LRRC4C: variants seen among roughly 807,000 people sequenced by gnomAD.
The protein encoded by LRRC4C is leucine rich repeat containing 4C, also known as leucine-rich repeat-containing protein 4C.
LRRC4C carries 5 observed loss-of-function variants against 33.6 expected under a neutral mutation model. That is an observed-to-expected ratio of 0.15 (90% CI 0.08 to 0.31). The LOEUF is 0.31. LRRC4C is among the 10% of genes least tolerant of loss of function. The probability of loss-of-function intolerance (pLI) is 1.00; values close to 1 mark genes in which losing one functional copy is unlikely to be tolerated. For missense variants in LRRC4C, 560 were observed against 796.7 expected (o/e 0.70, Z 3.58); for synonymous variants, 329 against 302.0 (o/e 1.09, Z -0.93).
At chr11:40,760,608 C>A (rs1050775015) in intron 2 of LRRC4C, among the ~76,000 whole-genome samples, 1 of 151,048 alleles carries the variant, frequency 6.6e-6, no homozygotes, top group African/African-American at 2.4e-5. Flanking sequence ...GAATAAACTT[C>A]CTTTTTTATT....
intron 1 of LRRC4C, among the ~76,000 whole-genome samples, chr11:41,259,275 G>T (rs889647468): frequency 2.6e-5 from 4 of 151,874 alleles, no homozygotes; most frequent in Non-Finnish European, 5.9e-5. Flanking sequence ...CTAGTATTTT[G>T]TGTTATTTTT....
chr11:40,646,671 A>C (rs1368762372), intron 3 of LRRC4C, among the ~76,000 whole-genome samples: 1 of 152,146 alleles, frequency 6.6e-6, no homozygotes, highest in Non-Finnish European at 1.5e-5. Flanking sequence ...CAGTGGCACT[A>C]TCTCGGCTCA....
chr11:40,882,203 C>CCCACAAGTGATCATCTGGAAA (rs1365153974), intron 2 of LRRC4C, among the ~76,000 whole-genome samples: 1 of 152,022 alleles, frequency 6.6e-6, no homozygotes, highest in South Asian at 2.1e-4. Context: ...TCTACACAAC[C>CCCACAAGTGATCATCTGGAAA]CCACAAGTGA....
At chr11:40,721,531 A>C (rs1947013554) in intron 2 of LRRC4C, among the ~76,000 whole-genome samples, 1 of 152,256 alleles carries the variant, frequency 6.6e-6, no homozygotes, top group African/African-American at 2.4e-5. Flanking sequence ...ACTTTTGCCA[A>C]GTAATCAGAT....
At chr11:40,881,703 T>G (rs1202733437) in intron 2 of LRRC4C, among the ~76,000 whole-genome samples, 1 of 151,812 alleles carries the variant, frequency 6.6e-6, no homozygotes, top group Non-Finnish European at 1.5e-5. Flanking sequence ...CACAACAATC[T>G]CACAATATTA....
At chr11:41,300,015 T>C (rs930293212) in intron 1 of LRRC4C, among the ~76,000 whole-genome samples, 6 of 152,130 alleles carry the variant, frequency 3.9e-5, no homozygotes, top group Non-Finnish European at 2.9e-5. Context: ...TATACAGTCA[T>C]TAGAGCAGCT....
At chr11:40,576,630 A>G (rs1047475777) in intron 3 of LRRC4C, among the ~76,000 whole-genome samples, 2 of 152,108 alleles carry the variant, frequency 1.3e-5, no homozygotes, top group African/African-American at 2.4e-5. Flanking sequence ...GTCTATTTAT[A>G]ACAATCCCCC....
At position 40,472,493 on chromosome 11, in the gene LRRC4C, C is replaced by T. The variant is rs184345792; in HGVS notation, c.-269-152772G>A. On this transcript the variant is annotated intron_variant, in intron 3 of 6. Coordinates refer to ENST00000528697, the MANE Select transcript of LRRC4C (RefSeq NM_001258419.2). ...GAGGGAAATTTATAGCACTAAATGCCCACAGGAGAAAGCAGGAAAGATTTA... is the reference window on the plus strand; with the variant it reads ...GAGGGAAATTTATAGCACTAAATGCTCACAGGAGAAAGCAGGAAAGATTTA... Among the ~76,000 whole-genome samples the T allele has an allele frequency of 9.2e-3, 860 of 93,762 alleles. 15 individuals carry two copies. Among genetic ancestry groups the T allele is most frequent in the African/African-American group, 0.031 (824 of 26,936 alleles). 61.5% of individuals were successfully genotyped at this position (93,762 alleles called of 152,430 possible).
At chr11:40,688,354 C>T (rs530354771) in intron 2 of LRRC4C, among the ~76,000 whole-genome samples, 41 of 152,238 alleles carry the variant, frequency 2.7e-4, no homozygotes, top group Admixed American at 1.2e-3. Flanking sequence ...TGGTAAAGGA[C>T]ACAACAAACT....
chr11:40,272,416 T>C (rs1171866985), intron 4 of LRRC4C, among the ~76,000 whole-genome samples: 1 of 152,104 alleles, frequency 6.6e-6, no homozygotes, highest in East Asian at 1.9e-4. Context: ...AAATAGATAA[T>C]AAGGCAGCTA....
chr11:41,092,472 G>T (rs1482579110), intron 1 of LRRC4C, among the ~76,000 whole-genome samples: 3 of 152,236 alleles, frequency 2.0e-5, no homozygotes, highest in African/African-American at 7.2e-5. Flanking sequence ...TACAGTGAAT[G>T]ATCAACATCT....
intron 4 of LRRC4C, among the ~76,000 whole-genome samples, chr11:40,278,765 C>T (rs995308821): frequency 2.7e-5 from 4 of 148,422 alleles, no homozygotes; most frequent in Non-Finnish European, 4.4e-5. Context: ...GTCCTTCTCA[C>T]TCTCTACCAC....
chr11:41,165,928 G>A (rs1175801677), intron 1 of LRRC4C, among the ~76,000 whole-genome samples: 1 of 151,892 alleles, frequency 6.6e-6, no homozygotes, highest in Admixed American at 6.6e-5. Flanking sequence ...CTACTCAGGA[G>A]GCTGCAGCAG....
intron 5 of LRRC4C, among the ~76,000 whole-genome samples, chr11:40,234,631 T>C (rs1429895948): frequency 6.6e-6 from 1 of 152,052 alleles, no homozygotes; most frequent in Non-Finnish European, 1.5e-5. Context: ...ATTGGCCAGA[T>C]ATGTTGGCAC....
intron 2 of LRRC4C, among the ~76,000 whole-genome samples, chr11:40,901,881 G>A (rs1045495145): frequency 1.3e-5 from 2 of 151,726 alleles, no homozygotes; most frequent in Non-Finnish European, 2.9e-5. Flanking sequence ...AATATATAAC[G>A]TTTAATCTGA....
At chr11:41,453,028 A>G (rs888716435) in intron 1 of LRRC4C, among the ~76,000 whole-genome samples, 1 of 152,062 alleles carries the variant, frequency 6.6e-6, no homozygotes, top group Non-Finnish European at 1.5e-5. Context: ...TTTTTACAAC[A>G]CTACAAGGTA....
chr11:40,679,262 C>T (rs1944559787), intron 2 of LRRC4C, among the ~76,000 whole-genome samples: 4 of 151,916 alleles, frequency 2.6e-5, no homozygotes, highest in Admixed American at 1.3e-4. Flanking sequence ...CTGTTAAAGG[C>T]ACCTTTTTTT....
chr11:41,400,125 C>T (rs1953969822), intron 1 of LRRC4C, among the ~76,000 whole-genome samples: 1 of 151,968 alleles, frequency 6.6e-6, no homozygotes, highest in South Asian at 2.1e-4. Context: ...TAATCTAAGT[C>T]AGACCCTAGT....
At chr11:40,486,572 A>C (rs2138461696) in intron 3 of LRRC4C, among the ~76,000 whole-genome samples, 1 of 152,208 alleles carries the variant, frequency 6.6e-6, no homozygotes, top group South Asian at 2.1e-4. Flanking sequence ...ACTAGCTAAT[A>C]TCAGGAAATT....
Sources: allele counts gnomAD v4.1 joint callset (sites outside exome capture counted in the v4.1 genomes callset), GRCh38; gene constraint gnomAD v4.1.1; transcripts MANE v1.5; gene names NCBI Gene and HGNC (gene_info 2026-07-23, HGNC 2026-07-21).